PCDHGA8: variants seen among roughly 807,000 people sequenced by gnomAD.
PCDHGA8 encodes the protein protocadherin gamma-A8.
Under a neutral mutation model 59.2 loss-of-function variants are expected in PCDHGA8, and 45 were observed. That is an observed-to-expected ratio of 0.76 (90% CI 0.60 to 0.98). The LOEUF (loss-of-function observed/expected upper bound fraction) is 0.98. Ranked by LOEUF, PCDHGA8 falls within the 50% of genes least tolerant of loss-of-function variation. The pLI, the probability that PCDHGA8 is intolerant of heterozygous loss-of-function variation, is 0.00. For synonymous variants in PCDHGA8, 531 were observed against 519.0 expected (o/e 1.02, Z -0.32); for missense variants, 1,257 against 1,196.2 (o/e 1.05, Z -0.75).
chr5:141,497,187 G>T (rs1475463841), intron 2 of PCDHGA8, among the ~76,000 whole-genome samples: 2 of 139,586 alleles, frequency 1.4e-5, no homozygotes, highest in Non-Finnish European at 3.0e-5. Flanking sequence ...GTTCTGAGAG[G>T]CAGAGAACAA....
chr5:141,432,622 G>A lies in PCDHGA8; in HGVS notation c.2424+37385G>A. 6.2e-7 allele frequency: 1 copy of A among 1,612,776 alleles called. No individual in the cohort carries two copies. The stretch of plus-strand genomic sequence containing the variant: ...AGCCGGGACTCTTCTCGGTGGGTCT[G>A]CACACGGGCGAGGTGCGCACGGCGC... On this transcript the variant is annotated intron_variant, in intron 1 of 3. Transcript: ENST00000398604. This position sits in a 1 kb window ranked among gnomAD's most constrained non-coding sequence, Gnocchi z 6.0.
chr5:141,398,369 G>A (rs889057054), intron 1 of PCDHGA8: 2 of 1,428,778 alleles, frequency 1.4e-6, no homozygotes, highest in African/African-American at 2.9e-5. Context: ...AGCGCAGAGA[G>A]CGGGGAGTTG....
intron 1 of PCDHGA8, chr5:141,409,203 T>C: frequency 1.2e-6 from 2 of 1,613,964 alleles, no homozygotes; most frequent in Non-Finnish European, 1.7e-6. Flanking sequence ...TGTAAAGTAA[T>C]CATAGAAATC....
Position 141,490,799 on chromosome 5 carries a change from G to A in PCDHGA8, c.2425-4008G>A, listed in dbSNP as rs757092044. On this transcript the variant is annotated intron_variant, in intron 1 of 3. Coordinates refer to ENST00000398604, the MANE Select transcript of PCDHGA8 (RefSeq NM_032088.2). The surrounding 1 kb of genome is among the most constrained non-coding windows in gnomAD (Gnocchi z 5.4). ...GAGGATGGACGGATCTTTGCCCAGC[G>A]TACCTTTGACTATGAATTGCTGCAG... is the stretch of plus-strand genomic sequence containing the variant. 2.7e-5 allele frequency: 43 copies of A among 1,613,888 alleles called. No individual in the cohort carries two copies. Among genetic ancestry groups the A allele is most frequent in the Middle Eastern group, 3.3e-4 (2 of 6,062 alleles).
At chr5:141,434,462 C>T (rs2097695951) in intron 1 of PCDHGA8, among the ~76,000 whole-genome samples, 1 of 152,156 alleles carries the variant, frequency 6.6e-6, no homozygotes, top group Non-Finnish European at 1.5e-5. Flanking sequence ...GTGGGTTTAC[C>T]GGAATGAGGG....
rs769366827 is a variant in PCDHGA8 at position 141,395,096 on chromosome 5, C to G, written c.2283C>G (p.Ala761=). Residue 761 remains alanine (A), a synonymous_variant, in exon 1 of 4, where the codon GCC becomes GCG. Coordinates refer to ENST00000398604, the MANE Select transcript of PCDHGA8 (RefSeq NM_032088.2). ...QTYSQEVSLT[A]DSRKSHLIFP... ...ATTCCCAGGAAGTCTCCCTCACCGC[C>G]GACTCGCGGAAGAGTCACCTGATCT... The G allele has an allele frequency of 5.6e-6, 9 of 1,614,186 alleles. No individual in the cohort carries two copies. Among genetic ancestry groups the G allele is most frequent in the Middle Eastern group, 1.6e-4 (1 of 6,062 alleles).
At chr5:141,465,889 G>A (rs956310325) in intron 1 of PCDHGA8, among the ~76,000 whole-genome samples, 4 of 152,056 alleles carry the variant, frequency 2.6e-5, no homozygotes, top group Admixed American at 6.5e-5. Context: ...TTGGGAGGCC[G>A]AGGCGGGCAA....
rs542113846 is a variant in PCDHGA8 at position 141,433,037 on chromosome 5, A to G, written c.2424+37800A>G. ...GACCTATTCCCACGAGGTTTCCCTCACCACGGACTCGCGGAAGAGTCACCT... is the reference window on the plus strand; with the variant it reads ...GACCTATTCCCACGAGGTTTCCCTCGCCACGGACTCGCGGAAGAGTCACCT... On this transcript the variant is annotated intron_variant, in intron 1 of 3. Coordinates refer to ENST00000398604, the MANE Select transcript of PCDHGA8 (RefSeq NM_032088.2). 249 of 1,614,172 alleles carry G rather than the reference A, an allele frequency of 1.5e-4. 6 individuals are homozygous for G. The South Asian group carries it at 2.5e-3, about 16-fold the overall frequency.
intron 2 of PCDHGA8, among the ~76,000 whole-genome samples, chr5:141,497,219 A>G (rs974609491): frequency 6.7e-6 from 1 of 149,602 alleles, no homozygotes; most frequent in South Asian, 2.1e-4. Context: ...TGGGGGGGGG[A>G]AGATCAGAGA....
At chr5:141,424,300 AAC>A (rs1370166165) in intron 1 of PCDHGA8, 2 of 152,504 alleles carry the variant, frequency 1.3e-5, no homozygotes, top group Non-Finnish European at 2.9e-5. Context: ...TCATCCTATC[AAC>A]ACAGACATAT....
At chr5:141,413,222 G>T in intron 1 of PCDHGA8, 1 of 1,613,796 alleles carries the variant, frequency 6.2e-7, no homozygotes, top group Admixed American at 1.7e-5. Flanking sequence ...GATTGCAGCG[G>T]GCTGGTCCTG....
intron 2 of PCDHGA8, among the ~76,000 whole-genome samples, chr5:141,496,206 A>C (rs2099766963): frequency 6.6e-6 from 1 of 152,126 alleles, no homozygotes; most frequent in South Asian, 2.1e-4. Context: ...TCAATCTGGT[A>C]TGAATTCCTG....
At chr5:141,498,419 G>A (rs78940285) in intron 2 of PCDHGA8, among the ~76,000 whole-genome samples, 4,023 of 152,260 alleles carry the variant, frequency 0.026, 75 homozygotes, top group Non-Finnish European at 0.043. Flanking sequence ...TGCTGGCACT[G>A]GAGTGAGGGG....
chr5:141,413,283 C>G (rs377443382), intron 1 of PCDHGA8: 1 of 1,613,966 alleles, frequency 6.2e-7, no homozygotes, highest in Admixed American at 1.7e-5. Context: ...GGCAGATCTC[C>G]TACTCAATTC....
intron 1 of PCDHGA8, among the ~76,000 whole-genome samples, chr5:141,459,757 G>T (rs1360124889): frequency 6.6e-6 from 1 of 152,162 alleles, no homozygotes; most frequent in Admixed American, 6.6e-5. Flanking sequence ...ATTCTAGTGG[G>T]TGTGTGATAC....
At chr5:141,507,704 G>A (rs989196400) in intron 3 of PCDHGA8, among the ~76,000 whole-genome samples, 5 of 152,210 alleles carry the variant, frequency 3.3e-5, no homozygotes, top group African/African-American at 9.6e-5. Context: ...AGTATTTATG[G>A]CCCCAAACCC....
chr5:141,399,958 G>A (rs2093927763), intron 1 of PCDHGA8: 5 of 1,612,004 alleles, frequency 3.1e-6, no homozygotes, highest in Non-Finnish European at 4.2e-6. Context: ...TAGCGAGCCC[G>A]GGCTCTTCAG....
At chr5:141,497,465 G>A (rs189158903) in intron 2 of PCDHGA8, among the ~76,000 whole-genome samples, 1 of 152,024 alleles carries the variant, frequency 6.6e-6, no homozygotes, top group East Asian at 1.9e-4. Flanking sequence ...TTGGAGATAT[G>A]GAGGAGAAGG....
chr5:141,461,355 G>A (rs993200082), intron 1 of PCDHGA8, among the ~76,000 whole-genome samples: 3 of 152,022 alleles, frequency 2.0e-5, no homozygotes, highest in Non-Finnish European at 2.9e-5. Flanking sequence ...GTGGTAGCTC[G>A]TTGTGGTTTT....
Sources: allele counts gnomAD v4.1 joint callset (sites outside exome capture counted in the v4.1 genomes callset), GRCh38; gene constraint gnomAD v4.1.1; non-coding constraint Gnocchi (gnomAD v3.1); transcripts MANE v1.5; gene names NCBI Gene and HGNC (gene_info 2026-07-23, HGNC 2026-07-21).